The following RBFOX2 variants were observed in gnomAD, a reference collection of about 807,000 sequenced individuals.
RBFOX2 encodes the protein RNA binding protein fox-1 homolog 2.
RBFOX2 carries 10 observed loss-of-function variants against 49.1 expected under a neutral mutation model. That is an observed-to-expected ratio of 0.20 (90% CI 0.13 to 0.35). The LOEUF is 0.35. Ranked by LOEUF, RBFOX2 falls within the 10% of genes least tolerant of loss-of-function variation. The pLI is 1.00. For missense variants in RBFOX2, 323 were observed against 486.9 expected (o/e 0.66, Z 3.17); for synonymous variants, 183 against 187.4 (o/e 0.98, Z 0.19).
intron 2 of RBFOX2, among the ~76,000 whole-genome samples, chr22:35,781,966 G>A (rs1470054034): frequency 1.3e-5 from 2 of 152,248 alleles, no homozygotes; most frequent in Non-Finnish European, 1.5e-5. Flanking sequence ...GGTGTTTTGA[G>A]TATTTATAGT....
At chr22:35,845,101 G>A (rs940125454), upstream of RBFOX2, among the ~76,000 whole-genome samples, 1 of 152,002 alleles carries the variant, frequency 6.6e-6, no homozygotes, top group Non-Finnish European at 1.5e-5. Flanking sequence ...ACACCCAAGT[G>A]AAAGGCAACA....
At chr22:35,797,610 G>T (rs1448532506) in intron 2 of RBFOX2, among the ~76,000 whole-genome samples, 2 of 152,216 alleles carry the variant, frequency 1.3e-5, no homozygotes, top group East Asian at 3.8e-4. Flanking sequence ...GCACAGTTTG[G>T]TGCCACGGCC....
At chr22:35,988,240 G>T (rs890305868) in intron 1 of RBFOX2, among the ~76,000 whole-genome samples, 1 of 152,156 alleles carries the variant, frequency 6.6e-6, no homozygotes, top group African/African-American at 2.4e-5. Flanking sequence ...ATACAGATAA[G>T]GTTCTTTCAG....
At chr22:35,890,955 A>G (rs2047167477) in intron 1 of RBFOX2, among the ~76,000 whole-genome samples, 1 of 152,038 alleles carries the variant, frequency 6.6e-6, no homozygotes, top group African/African-American at 2.4e-5. Flanking sequence ...CACCTGTACA[A>G]TAGGGATAAT....
Position 35,749,037 on chromosome 22 carries a change from T to C in RBFOX2, c.888-2476A>G, listed in dbSNP as rs182661071. 1.9e-3 allele frequency among the ~76,000 whole-genome samples: 286 copies of C among 152,354 alleles called. 8 individuals are homozygous for C. Among genetic ancestry groups the C allele is most frequent in the Non-Finnish European group, 6.8e-4 (46 of 68,042 alleles). ...AGGCCTACAGGAAGCCATAGGAACC[T>C]TGGTGGTTTAGGAGTAATGTTACTG... On this transcript the variant is annotated intron_variant, in intron 9 of 11. Coordinates refer to ENST00000405409, the Ensembl canonical transcript of RBFOX2. This position sits in a 1 kb window ranked among gnomAD's most constrained non-coding sequence, Gnocchi z 4.1.
chr22:36,000,445 T>C, intron 1 of RBFOX2: 1 of 152,370 alleles, frequency 6.6e-6, no homozygotes, highest in South Asian at 2.1e-4. Context: ...TGGCTTTAAA[T>C]ACTACATATG....
At chr22:35,818,924 C>A (rs983141617) in intron 1 of RBFOX2, among the ~76,000 whole-genome samples, 1 of 152,154 alleles carries the variant, frequency 6.6e-6, no homozygotes, top group African/African-American at 2.4e-5. Flanking sequence ...TTGTAGTCTA[C>A]CTCTTTAAAA....
intron 1 of RBFOX2, chr22:35,897,482 A>G: frequency 7.3e-6 from 6 of 824,842 alleles, no homozygotes; most frequent in Non-Finnish European, 1.3e-5. Context: ...GGCTTATTTC[A>G]AAGTCTCTTG....
chr22:35,786,881 C>A, intron 2 of RBFOX2, among the ~76,000 whole-genome samples: 1 of 152,134 alleles, frequency 6.6e-6, no homozygotes, highest in Non-Finnish European at 1.5e-5. Context: ...GCACTGTACC[C>A]ATCCTCTCTT....
chr22:35,898,346 A>G, intron 1 of RBFOX2: 2 of 676,390 alleles, frequency 3.0e-6, no homozygotes, highest in Non-Finnish European at 2.8e-6. Context: ...TATTGCAGTA[A>G]TGGCAGAATG....
intron 9 of RBFOX2, chr22:35,752,542 GTTAGTATAA>G (rs1935338404): frequency 1.2e-6 from 1 of 836,126 alleles, no homozygotes; most frequent in South Asian, 5.5e-5. Flanking sequence ...AGCTGGAATG[GTTAGTATAA>G]TTCAATTTTT....
intron 1 of RBFOX2, among the ~76,000 whole-genome samples, chr22:35,983,698 G>A (rs2057570834): frequency 6.6e-6 from 1 of 152,140 alleles, no homozygotes; most frequent in Admixed American, 6.5e-5. Context: ...TTTGTCTCCA[G>A]TGTCCAACAG....
chr22:35,769,134 A>T (rs1470937799), intron 4 of RBFOX2, among the ~76,000 whole-genome samples: 1 of 152,212 alleles, frequency 6.6e-6, no homozygotes, highest in Non-Finnish European at 1.5e-5. Flanking sequence ...TGCCTAAATT[A>T]TTCATTTATT....
chr22:35,923,822 C>T (rs1479456669), intron 1 of RBFOX2, among the ~76,000 whole-genome samples: 4 of 151,304 alleles, frequency 2.6e-5, no homozygotes, highest in Non-Finnish European at 5.9e-5. Flanking sequence ...GTAAACTATA[C>T]AGGACTATAG....
At chr22:35,968,084 T>C (rs2056666507) in intron 1 of RBFOX2, among the ~76,000 whole-genome samples, 1 of 152,176 alleles carries the variant, frequency 6.6e-6, no homozygotes, top group Non-Finnish European at 1.5e-5. Flanking sequence ...TTCTTATCCC[T>C]TTCTTCCTGA....
chr22:35,879,083 T>C lies in RBFOX2; in HGVS notation c.-34+59764A>G, dbSNP rs116580224. Among the ~76,000 whole-genome samples the C allele has an allele frequency of 2.6e-3, 396 of 152,272 alleles. 4 individuals carry two copies. Among genetic ancestry groups the C allele is most frequent in the African/African-American group, 9.3e-3 (387 of 41,562 alleles). On this transcript the variant is annotated intron_variant, in intron 1 of 13. Coordinates refer to the RBFOX2 transcript ENST00000359369. Reference sequence around the variant, plus strand: ...GATAAATGCTATGAAAAATTTAAAGTAAAATGGCTTTCAAAAGGCCTTATT... The same window carrying C: ...GATAAATGCTATGAAAAATTTAAAGCAAAATGGCTTTCAAAAGGCCTTATT...
intron 1 of RBFOX2, among the ~76,000 whole-genome samples, chr22:35,973,752 A>G (rs184184057): frequency 5.9e-5 from 9 of 152,334 alleles, no homozygotes; most frequent in Admixed American, 2.6e-4. Flanking sequence ...TTTCACATCC[A>G]GAAGAAGAGA....
intron 4 of RBFOX2, among the ~76,000 whole-genome samples, chr22:35,769,981 C>T (rs1942198595): frequency 6.6e-6 from 1 of 152,140 alleles, no homozygotes; most frequent in Non-Finnish European, 1.5e-5. Flanking sequence ...GAATGAAATA[C>T]TACTGGTAAT....
intron 1 of RBFOX2, among the ~76,000 whole-genome samples, chr22:35,873,919 G>GCT (rs1220015244): frequency 6.6e-6 from 1 of 151,772 alleles, no homozygotes; most frequent in Non-Finnish European, 1.5e-5. Flanking sequence ...GGCCTCAAGT[G>GCT]CTCCACCCAC....
Sources: allele counts gnomAD v4.1 joint callset (sites outside exome capture counted in the v4.1 genomes callset), GRCh38; gene constraint gnomAD v4.1.1; non-coding constraint Gnocchi (gnomAD v3.1); transcripts MANE v1.5; gene names NCBI Gene and HGNC (gene_info 2026-07-23, HGNC 2026-07-21).